The following ELANE variants were observed in gnomAD, a reference collection of about 807,000 sequenced individuals.
ELANE encodes neutrophil elastase.
Under a neutral mutation model 20.6 loss-of-function variants are expected in ELANE, and 12 were observed. The observed-to-expected ratio is 0.58, with a 90% CI of 0.37 to 0.94. The LOEUF is 0.94. ELANE is among the 40% of genes least tolerant of loss of function. The pLI is 0.01. For missense variants in ELANE, 388 were observed against 395.2 expected (o/e 0.98, Z 0.15); for synonymous variants, 203 against 177.4 (o/e 1.14, Z -1.15).
chr19:854,425 G>A (rs573517792), intron 3 of ELANE, among the ~76,000 whole-genome samples: 419 of 147,686 alleles, frequency 2.8e-3, no homozygotes, highest in Admixed American at 5.9e-3. Flanking sequence ...TCCAGCCTGG[G>A]TCTCAAAAAA....
rs975773083 is a variant in ELANE, at chr19:855,146, C to A, written c.367-418C>A. ...GGGATTATAGGCGTGAGCCACCGCA[C>A]CTGGCAATTTTTTTTTATTATTTTT... is the stretch of plus-strand genomic sequence containing the variant. On this transcript the variant is annotated intron_variant, in intron 3 of 4. Transcript: ENST00000263621. This position sits in a 1 kb window ranked among gnomAD's most constrained non-coding sequence, Gnocchi z 6.2. Among the ~76,000 whole-genome samples, 49 of 152,230 alleles carry A rather than the reference C, an allele frequency of 3.2e-4. No individual in the cohort carries two copies. The highest frequency in any genetic ancestry group is 1.1e-3 in the African/African-American group (47 of 41,530).
chr19:854,648 T>TAC lies in ELANE; in HGVS notation c.367-906_367-905dup, dbSNP rs559748821. Among the ~76,000 whole-genome samples the TAC allele has an allele frequency of 5.9e-3, 879 of 147,778 alleles. 10 individuals carry two copies. Among genetic ancestry groups the TAC allele is most frequent in the African/African-American group, 0.02 (811 of 40,404 alleles). ...ACCACGTCTGGCTAATATATATATA[T>TAC]ACACACACACATACATATATTATAA... On this transcript the variant is annotated intron_variant, in intron 3 of 4. Coordinates refer to ENST00000263621, the MANE Select transcript of ELANE (RefSeq NM_001972.4).
Position 855,818 on chromosome 19 carries a change from G to C in ELANE, c.597+24G>C, listed in dbSNP as rs1205384535. On this transcript the variant is annotated intron_variant, in intron 4 of 4. Coordinates refer to ENST00000263621, the MANE Select transcript of ELANE (RefSeq NM_001972.4). The surrounding 1 kb of genome is among the most constrained non-coding windows in gnomAD (Gnocchi z 6.2). ...TCGTACGTGCCCTGGGTGTCCCTCTGCTCCCCACCCGCTCCCAGCCCGGAC... is the reference window on the plus strand; with the variant it reads ...TCGTACGTGCCCTGGGTGTCCCTCTCCTCCCCACCCGCTCCCAGCCCGGAC... 6.2e-7 allele frequency: 1 copy of C among 1,607,260 alleles called. No individual in the cohort carries two copies. Among genetic ancestry groups the C allele is most frequent in the Non-Finnish European group, 8.5e-7 (1 of 1,179,570 alleles).
In ELANE at chr19:855,587, C is replaced by T. The variant is rs17223045; in HGVS notation, c.390C>T (p.Asn130=). ...ILQLNGSATI[N]ANVQVAQLPA... is the part of the protein sequence containing the mutation. Reference sequence around the variant, plus strand: ...AGCTCAACGGGTCGGCCACCATCAACGCCAACGTGCAGGTGGCCCAGCTGC... The same window carrying T: ...AGCTCAACGGGTCGGCCACCATCAATGCCAACGTGCAGGTGGCCCAGCTGC... Residue 130 remains asparagine (N), a synonymous_variant, in exon 4 of 5, where the codon AAC becomes AAT. Transcript: ENST00000263621. This position sits in a 1 kb window ranked among gnomAD's most constrained non-coding sequence, Gnocchi z 6.2. 22,589 of 1,600,284 alleles carry T rather than the reference C, an allele frequency of 0.014. 372 individuals are homozygous for T. The highest frequency in any genetic ancestry group is 0.073 in the African/African-American group (5,447 of 75,046).
chr19:855,465 C>G lies in ELANE; in HGVS notation c.367-99C>G, dbSNP rs1189481388. ...ATCCTGCCCTGCAGGATCCCAGAAC[C>G]ACAGTGGAACCTGAGATGGGGAAAC... On this transcript the variant is annotated intron_variant, in intron 3 of 4. Transcript: ENST00000263621. The surrounding 1 kb of genome is among the most constrained non-coding windows in gnomAD (Gnocchi z 6.2). 2 of 1,341,696 alleles carry G rather than the reference C, an allele frequency of 1.5e-6. No individual in the cohort carries two copies. Among genetic ancestry groups the G allele is most frequent in the Non-Finnish European group, 2.1e-6 (2 of 968,574 alleles). The allele number at this position is 1,341,696 out of a possible 1,614,324, so 83.1% of individuals were successfully genotyped here. A position where few individuals can be genotyped will look rare whatever the true frequency, so the allele number is the denominator to read the frequency against.
rs1265686774 is a variant in ELANE at position 855,350 on chromosome 19, A to C, written c.367-214A>C. Among the ~76,000 whole-genome samples the C allele has an allele frequency of 1.3e-5, 2 of 152,146 alleles. No individual in the cohort carries two copies. Among genetic ancestry groups the C allele is most frequent in the African/African-American group, 2.4e-5 (1 of 41,438 alleles). ...CTGCACTCAAGCCACATCCAGGGAC[A>C]ACCTCCAACGCCCTGAGCCTTGGTG... On this transcript the variant is annotated intron_variant, in intron 3 of 4. Coordinates refer to ENST00000263621, the MANE Select transcript of ELANE (RefSeq NM_001972.4). This position sits in a 1 kb window ranked among gnomAD's most constrained non-coding sequence, Gnocchi z 6.2.
chr19:853,294 C>T lies in ELANE; in HGVS notation c.257C>T (p.Ala86Val), dbSNP rs750859137. 1.9e-5 allele frequency: 30 copies of T among 1,609,904 alleles called. No homozygotes were observed. The highest frequency in any genetic ancestry group is 2.5e-5 in the Non-Finnish European group (29 of 1,178,652). ...CGCGCGGTGCGGGTGGTCCTGGGAG[C>T]CCATAACCTCTCGCGGCGGGAGCCC... The part of the protein sequence containing the change: ...NVRAVRVVLG[A>V]HNLSRREPTR... The change falls in exon 3 of 5, where the codon GCC becomes GTC. Residue 86 changes from alanine (A) to valine (V), a missense_variant. Physicochemically the swap from Ala to Val is moderately conservative, Grantham distance 64. This residue lies in a region of ELANE where 321 missense variants were observed against 309.8 expected (regional missense o/e 1.04). Transcript: ENST00000263621.
rs201714374 is a variant in ELANE at position 856,071 on chromosome 19, G to A, written c.711G>A (p.Gln237=). Residue 237 remains glutamine, a synonymous_variant, in exon 5 of 5, where the codon CAG becomes CAA. Transcript: ENST00000263621. ...CCGATGCCTTTGCCCCGGTGGCACA[G>A]TTTGTAAACTGGATCGACTCTATCA... is the stretch of plus-strand genomic sequence containing the variant. ...LYPDAFAPVA[Q]FVNWIDSIIQ... 9.3e-6 allele frequency: 15 copies of A among 1,612,562 alleles called. No homozygotes were observed. The African/African-American group carries it at 1.6e-4, about 17-fold the overall frequency.
intron 1 of ELANE, 147 bp from the exon 2 acceptor site, chr19:852,729 C>A: frequency 8.0e-7 from 1 of 1,253,250 alleles, no homozygotes; most frequent in Non-Finnish European, 1.1e-6. Flanking sequence ...GCGAACGGCC[C>A]CGATCCCGTG....
At chr19:853,234 C>T in intron 2 of ELANE, 28 bp from the exon 3 acceptor site, 7 of 1,568,032 alleles carry the variant, frequency 4.5e-6, no homozygotes, top group Non-Finnish European at 6.0e-6. Context: ...GGGGCCGCCC[C>T]TGAGCCCCGC....
chr19:856,090 T>C lies in ELANE; in HGVS notation c.730T>C (p.Ser244Pro). 1 of 1,613,284 alleles carries C rather than the reference T, an allele frequency of 6.2e-7. No individual in the cohort carries two copies. The highest frequency in any genetic ancestry group is 1.3e-5 in the African/African-American group (1 of 75,020). Residue 244 changes from serine to proline, a missense_variant, in exon 5 of 5, where the codon TCT becomes CCT. Around this residue, in one of 3 missense-constraint regions of ELANE, gnomAD observed 321 missense variants for 309.8 expected, o/e 1.04. Coordinates refer to ENST00000263621, the MANE Select transcript of ELANE (RefSeq NM_001972.4). ...PVAQFVNWID[S>P]IIQRSEDNPC... ...GGCACAGTTTGTAAACTGGATCGAC[T>C]CTATCATCCAACGCTCCGAGGACAA...
At chr19:852,531 G>T (rs2035609696) in intron 1 of ELANE, 136 bp downstream of exon 1, 4 of 1,123,692 alleles carry the variant, frequency 3.6e-6, no homozygotes, top group Non-Finnish European at 4.9e-6. Flanking sequence ...GACCAGAAGA[G>T]ACTGAGGTTC....
At position 852,981 on chromosome 19, in the gene ELANE, C is replaced by T. The variant is rs764500411; in HGVS notation, c.173C>T (p.Thr58Ile). 2.5e-6 allele frequency: 4 copies of T among 1,583,198 alleles called. No individual in the cohort carries two copies. Among genetic ancestry groups the T allele is most frequent in the Middle Eastern group, 1.7e-4 (1 of 5,960 alleles). ...CGCGGAGGCCACTTCTGCGGCGCCACCCTGATTGCGCCCAACTTCGTCATG... is the reference window on the plus strand; with the variant it reads ...CGCGGAGGCCACTTCTGCGGCGCCATCCTGATTGCGCCCAACTTCGTCATG... ...QLRGGHFCGA[T>I]LIAPNFVMSA... The change falls in exon 2 of 5, where the codon ACC becomes ATC. Residue 58 changes from threonine to isoleucine, a missense_variant. Physicochemically the swap from Thr to Ile is moderately conservative, Grantham distance 89. Coordinates refer to ENST00000263621, the MANE Select transcript of ELANE (RefSeq NM_001972.4).
At chr19:852,500 A>G in intron 1 of ELANE, 105 bp downstream of exon 1, 1 of 1,361,560 alleles carries the variant, frequency 7.3e-7, no homozygotes, top group Non-Finnish European at 1.0e-6. Context: ...CTCACAGGGG[A>G]GGTGCCAGCT....
Position 855,261 on chromosome 19 carries a change from G to T in ELANE, c.367-303G>T, listed in dbSNP as rs748845912. 2.2e-4 allele frequency among the ~76,000 whole-genome samples: 34 copies of T among 152,108 alleles called. No homozygotes were observed. Among genetic ancestry groups the T allele is most frequent in the Non-Finnish European group, 3.8e-4 (26 of 68,014 alleles). ...CTGCCTCGCCCTCCCAAAGTGCTGGGCTTACAAGCATGAGCCACCGCGCCC... is the reference window on the plus strand; with the variant it reads ...CTGCCTCGCCCTCCCAAAGTGCTGGTCTTACAAGCATGAGCCACCGCGCCC... On this transcript the variant is annotated intron_variant, in intron 3 of 4. Transcript: ENST00000263621. The surrounding 1 kb of genome is among the most constrained non-coding windows in gnomAD (Gnocchi z 6.2).
At position 855,704 on chromosome 19, in the gene ELANE, G is replaced by A; in HGVS notation, c.507G>A (p.Leu169=). ...LGRNRGIASV[L]QELNVTVVTS... is the part of the protein sequence containing the mutation. The stretch of plus-strand genomic sequence containing the variant: ...GGAACCGTGGGATCGCCAGCGTCCT[G>A]CAGGAGCTCAACGTGACGGTGGTGA... The change falls in exon 4 of 5, where the codon CTG becomes CTA. Residue 169 remains leucine (L), a synonymous_variant. Coordinates refer to ENST00000263621, the MANE Select transcript of ELANE (RefSeq NM_001972.4). This position sits in a 1 kb window ranked among gnomAD's most constrained non-coding sequence, Gnocchi z 6.2. The A allele has an allele frequency of 6.2e-7, 1 of 1,609,938 alleles. No individual in the cohort carries two copies. Among genetic ancestry groups the A allele is most frequent in the South Asian group, 1.1e-5 (1 of 91,076 alleles).
At chr19:853,983 T>C (rs1419467718) in intron 3 of ELANE, among the ~76,000 whole-genome samples, 1 of 148,670 alleles carries the variant, frequency 6.7e-6, no homozygotes, top group Non-Finnish European at 1.5e-5. Context: ...TCAACAAACT[T>C]ACTGAGAAGG....
At position 855,564 on chromosome 19, in the gene ELANE, C is replaced by T; in HGVS notation, c.367C>T (p.Leu123Phe). ...NLLNDIVILQ[L>F]NGSATINANV... is the part of the protein sequence containing the mutation. ...TGACGATCTGTCCCCACCGCCACAG[C>T]TCAACGGGTCGGCCACCATCAACGC... The change falls in exon 4 of 5, where the codon CTC (leucine) becomes TTC (phenylalanine). Residue 123 changes from leucine (L) to phenylalanine (F), a missense_variant and splice_region_variant. This residue lies in a region of ELANE where 321 missense variants were observed against 309.8 expected (regional missense o/e 1.04). Transcript: ENST00000263621. The surrounding 1 kb of genome is among the most constrained non-coding windows in gnomAD (Gnocchi z 6.2). 6.3e-7 allele frequency: 1 copy of T among 1,599,100 alleles called. No individual in the cohort carries two copies. Among genetic ancestry groups the T allele is most frequent in the Non-Finnish European group, 8.5e-7 (1 of 1,179,740 alleles).
At chr19:853,119 T>C in intron 2 of ELANE, 87 bp downstream of exon 2, 1 of 1,095,080 alleles carries the variant, frequency 9.1e-7, no homozygotes, top group South Asian at 1.5e-5. Context: ...CCGGGGCTGC[T>C]GGCGGGGGGG....
Sources: gnomAD v4.1 joint callset for allele counts (sites outside exome capture counted in the v4.1 genomes callset) on GRCh38, gnomAD v4.1.1 for gene constraint, gnomAD v4.1.1 regional missense constraint, Gnocchi (gnomAD v3.1) non-coding constraint, MANE v1.5 for transcripts, NCBI Gene and HGNC (gene_info 2026-07-23, HGNC 2026-07-21) for gene names.